The following SLC9A3 variants were observed in gnomAD, a reference collection of about 807,000 sequenced individuals.
SLC9A3 encodes the protein sodium/hydrogen exchanger 3.
A neutral mutation model predicts 86.8 loss-of-function variants in SLC9A3; 37 were observed. The observed-to-expected ratio is 0.43, with a 90% CI of 0.33 to 0.56. The LOEUF (loss-of-function observed/expected upper bound fraction) is 0.56, where lower values mean the gene tolerates loss of function less well. Ranked by LOEUF, SLC9A3 falls within the 20% of genes least tolerant of loss-of-function variation. The pLI, the probability that SLC9A3 is intolerant of heterozygous loss-of-function variation, is 0.06. For missense variants in SLC9A3, 1,011 were observed against 1,171.9 expected (o/e 0.86, Z 2.00); for synonymous variants, 581 against 528.3 (o/e 1.10, Z -1.37).
In SLC9A3 at chr5:485,275, G is replaced by A. The variant is rs774335455; in HGVS notation, c.676-44C>T. 32 of 1,507,582 alleles carry A rather than the reference G, an allele frequency of 2.1e-5. No individual in the cohort carries two copies. In the South Asian group the frequency reaches 3.4e-4, roughly 16 times the overall value. The allele number at this position is 1,507,582 out of a possible 1,614,324, so 93.4% of individuals were successfully genotyped here. On this transcript the variant is annotated intron_variant, in intron 3 of 16. Coordinates refer to ENST00000264938, the MANE Select transcript of SLC9A3 (RefSeq NM_004174.4). ...GGGCGTTGGGTGGTCCTTGGTTAGT[G>A]CCACCCCCTCTCCGGGGCCCGGGCC...
At chr5:482,787 G>T in intron 6 of SLC9A3, 37 bp from the exon 7 acceptor site, 2 of 1,521,124 alleles carry the variant, frequency 1.3e-6, no homozygotes, top group South Asian at 1.2e-5. Context: ...CTCCCCGGCC[G>T]CCCTCCCAGC....
intron 1 of SLC9A3, among the ~76,000 whole-genome samples, chr5:503,088 C>T (rs901521528): frequency 2.2e-4 from 33 of 152,138 alleles, no homozygotes; most frequent in Admixed American, 3.9e-4. Context: ...TCAAAGAGAA[C>T]CAAGCAGAAA....
intron 1 of SLC9A3, among the ~76,000 whole-genome samples, chr5:492,664 G>GA (rs200221365): frequency 0.021 from 3,134 of 152,090 alleles, 71 homozygotes; most frequent in South Asian, 0.097. Flanking sequence ...GTGGTCGGGG[G>GA]GGGGCCTCTG....
intron 15 of SLC9A3, 28 bp from the exon 16 acceptor site, chr5:475,160 C>T: frequency 6.5e-7 from 1 of 1,542,772 alleles, no homozygotes; most frequent in Non-Finnish European, 8.7e-7. Context: ...GGCTAGTCAG[C>T]CTTCGGAGAG....
chr5:476,379 C>G lies in SLC9A3; in HGVS notation c.1891-1G>C. On this transcript the variant is annotated splice_acceptor_variant, in intron 12 of 16. Coordinates refer to ENST00000264938, the MANE Select transcript of SLC9A3 (RefSeq NM_004174.4). LOFTEE classifies it high-confidence loss of function. ...CGTGTCGGCTGTACAGATGCTTGTA[C>G]TGCGGGATCAGGCACGGAGGTCACA... 6.2e-7 allele frequency: 1 copy of G among 1,613,620 alleles called. No individual in the cohort carries two copies. The highest frequency in any genetic ancestry group is 8.5e-7 in the Non-Finnish European group (1 of 1,179,970).
intron 2 of SLC9A3, among the ~76,000 whole-genome samples, chr5:490,742 CTGCCCCATCCGAGG>C (rs1243956268): frequency 1.3e-5 from 2 of 152,214 alleles, no homozygotes; most frequent in Non-Finnish European, 2.9e-5. Flanking sequence ...GCTAGGGCGG[CTGCCCCATCCGAGG>C]TGTGTCCTGA....
At chr5:506,576 G>A (rs1306087607) in intron 1 of SLC9A3, among the ~76,000 whole-genome samples, 1 of 152,202 alleles carries the variant, frequency 6.6e-6, no homozygotes, top group South Asian at 2.1e-4. Flanking sequence ...CCTTCTGGGC[G>A]CTGCTCCCAG....
chr5:508,938 G>T (rs896810989), intron 1 of SLC9A3, among the ~76,000 whole-genome samples: 1 of 151,704 alleles, frequency 6.6e-6, no homozygotes, highest in Non-Finnish European at 1.5e-5. Flanking sequence ...GTGAGACCCC[G>T]TCTCTACAAA....
intron 1 of SLC9A3, among the ~76,000 whole-genome samples, chr5:516,347 C>T (rs1469548031): frequency 6.6e-6 from 1 of 152,192 alleles, no homozygotes; most frequent in Non-Finnish European, 1.5e-5. Context: ...TTGCCCAGAG[C>T]GCTGGCTGCT....
At chr5:499,208 G>A (rs1243927192) in intron 1 of SLC9A3, among the ~76,000 whole-genome samples, 1 of 152,260 alleles carries the variant, frequency 6.6e-6, no homozygotes, top group African/African-American at 2.4e-5. Flanking sequence ...ATTAGCTGGT[G>A]AAACCAAGAA....
chr5:494,487 C>T lies in SLC9A3; in HGVS notation c.212-2416G>A, dbSNP rs943002834. Among the ~76,000 whole-genome samples, 9 of 152,226 alleles carry T rather than the reference C, an allele frequency of 5.9e-5. No individual in the cohort carries two copies. The South Asian group carries it at 6.2e-4, about 11-fold the overall frequency. On this transcript the variant is annotated intron_variant, in intron 1 of 16. Transcript: ENST00000264938. ...ATGGGAGTCTGCACACTAAGGGCTC[C>T]GAGGCCTTTGGGAGTCCTGCTGGGG...
At position 512,967 on chromosome 5, in the gene SLC9A3, T is replaced by C. The variant is rs576476530; in HGVS notation, c.211+11145A>G. ...GATCAGAGCAAATACCAGTCCCACTTTTCACTGGAAGATAAGAGGGGGAAA... is the reference window on the plus strand; with the variant it reads ...GATCAGAGCAAATACCAGTCCCACTCTTCACTGGAAGATAAGAGGGGGAAA... On this transcript the variant is annotated intron_variant, in intron 1 of 16. Transcript: ENST00000264938. 3.3e-5 allele frequency among the ~76,000 whole-genome samples: 5 copies of C among 152,234 alleles called. No homozygotes were observed. In the East Asian group the frequency reaches 9.7e-4, roughly 29 times the overall value.
At chr5:519,658 A>G (rs1733828830) in intron 1 of SLC9A3, among the ~76,000 whole-genome samples, 1 of 152,208 alleles carries the variant, frequency 6.6e-6, no homozygotes, top group African/African-American at 2.4e-5. Context: ...CACCCAGACA[A>G]CAAGGAAGCA....
chr5:482,866 C>T (rs1308360525), intron 6 of SLC9A3, 116 bp from the exon 7 acceptor site: 1 of 794,322 alleles, frequency 1.3e-6, no homozygotes, highest in Non-Finnish European at 2.0e-6. Flanking sequence ...AACAGCGGCA[C>T]CCTAGATACG....
intron 11 of SLC9A3, 181 bp downstream of exon 11, chr5:477,151 G>A: frequency 1.8e-6 from 1 of 563,138 alleles, no homozygotes; most frequent in Non-Finnish European, 3.2e-6. Flanking sequence ...CAGCACTAAG[G>A]GAGTCTGGCC....
chr5:493,131 GT>G (rs1243475061), intron 1 of SLC9A3, among the ~76,000 whole-genome samples: 9 of 151,986 alleles, frequency 5.9e-5, no homozygotes, highest in Admixed American at 6.5e-5. Flanking sequence ...AAAAAAAAAG[GT>G]GATGAGAATT....
chr5:473,418 C>T, intron 16 of SLC9A3, 36 bp from the exon 17 acceptor site: 1 of 1,375,028 alleles, frequency 7.3e-7, no homozygotes, highest in South Asian at 1.6e-5. Flanking sequence ...CGCGCGGAGC[C>T]CGGGCGCTGG....
Position 491,179 on chromosome 5 carries a change from C to T in SLC9A3, c.514+590G>A, listed in dbSNP as rs1489585754. Among the ~76,000 whole-genome samples, 2 of 152,180 alleles carry T rather than the reference C, an allele frequency of 1.3e-5. No individual in the cohort carries two copies. Among genetic ancestry groups the T allele is most frequent in the Non-Finnish European group, 2.9e-5 (2 of 68,036 alleles). ...CTAGGCTCTGCCTGAGGTCCCTGGA[C>T]CCACCTGGTCAAAGCTGTAGCATCC... On this transcript the variant is annotated intron_variant, in intron 2 of 16. Coordinates refer to ENST00000264938, the MANE Select transcript of SLC9A3 (RefSeq NM_004174.4). This position sits in a 1 kb window ranked among gnomAD's most constrained non-coding sequence, Gnocchi z 9.2.
rs1275198973 is a variant in SLC9A3, at chr5:471,755, G to C, written c.*1624C>G. 2.2e-6 allele frequency: 1 copy of C among 455,948 alleles called. No homozygotes were observed. Among genetic ancestry groups the C allele is most frequent in the Non-Finnish European group, 4.4e-6 (1 of 226,716 alleles). 28.2% of individuals were successfully genotyped at this position (455,948 alleles called of 1,614,324 possible). On this transcript the variant is annotated 3_prime_UTR_variant, in exon 17 of 17. Transcript: ENST00000264938. ...CGCTTGATCTGATCCAAGTAACAGT[G>C]ACTGCAGTTAGGGTCGAGAGCTTCT...
Sources: allele counts gnomAD v4.1 joint callset (sites outside exome capture counted in the v4.1 genomes callset), GRCh38; gene constraint gnomAD v4.1.1; non-coding constraint Gnocchi (gnomAD v3.1); transcripts MANE v1.5; gene names NCBI Gene and HGNC (gene_info 2026-07-23, HGNC 2026-07-21).